The following PEBP4 variants were observed in gnomAD, a reference collection of about 807,000 sequenced individuals.
The protein encoded by PEBP4 is phosphatidylethanolamine-binding protein 4.
Under a neutral mutation model 23.9 loss-of-function variants are expected in PEBP4, and 22 were observed. The observed-to-expected ratio is 0.92, with a 90% CI of 0.66 to 1.31. PEBP4 has a LOEUF of 1.31. PEBP4 is among the 40% of genes most tolerant of loss of function. PEBP4 has a pLI of 0.00. For synonymous variants in PEBP4, 112 were observed against 99.3 expected (o/e 1.13, Z -0.76); for missense variants, 324 against 281.7 (o/e 1.15, Z -1.07).
intron 3 of PEBP4, among the ~76,000 whole-genome samples, chr8:22,819,857 C>T (rs998395416): frequency 1.3e-5 from 2 of 152,164 alleles, no homozygotes; most frequent in Non-Finnish European, 2.9e-5. Context: ...CCACCTGCCT[C>T]GGCCTCCCAA....
In PEBP4 at chr8:22,885,330, T is replaced by C. The variant is rs968465279; in HGVS notation, c.258+34854A>G. ...ACTGGGGCTCAGGAGGTTAGATGAC[T>C]TTCTCAGAGTCACACAGATAGTACA... On this transcript the variant is annotated intron_variant, in intron 3 of 6. Coordinates refer to ENST00000256404, the MANE Select transcript of PEBP4 (RefSeq NM_144962.3). The C allele has an allele frequency of 3.3e-5, 5 of 152,194 alleles. No homozygotes were observed. In the East Asian group the frequency reaches 7.7e-4, roughly 23 times the overall value. The allele number at this position is 152,194 out of a possible 1,614,324, so 9.4% of individuals were successfully genotyped here.
intron 4 of PEBP4, among the ~76,000 whole-genome samples, chr8:22,810,927 A>G (rs2128760586): frequency 6.6e-6 from 1 of 150,890 alleles, no homozygotes. Context: ...ACCTCCTAGA[A>G]GAACAGCATT....
chr8:22,733,611 G>A (rs187380410), intron 4 of PEBP4, among the ~76,000 whole-genome samples: 2 of 152,256 alleles, frequency 1.3e-5, no homozygotes, highest in East Asian at 1.9e-4. Context: ...GGCTCGTGGT[G>A]CCTCAGAGCA....
In PEBP4 at chr8:22,713,350, C is replaced by T. The variant is rs201319025; in HGVS notation, c.*20G>A. The T allele has an allele frequency of 6.4e-6, 10 of 1,561,862 alleles. No individual in the cohort carries two copies. The East Asian group carries it at 1.4e-4, about 21-fold the overall frequency. On this transcript the variant is annotated 3_prime_UTR_variant, in exon 7 of 7. Coordinates refer to ENST00000256404, the MANE Select transcript of PEBP4 (RefSeq NM_144962.3). ...GTGGTGGGCAGTGTGGCCACATGCC[C>T]GGATGGCAAAGCCGGCTATCTAGCA... is the stretch of plus-strand genomic sequence containing the variant.
chr8:22,901,790 A>T (rs1008242569), intron 3 of PEBP4, among the ~76,000 whole-genome samples: 8 of 152,222 alleles, frequency 5.3e-5, no homozygotes, highest in African/African-American at 1.9e-4. Flanking sequence ...TCTGTGACAG[A>T]TGTTTACAAT....
At chr8:22,807,877 A>G (rs1806533025) in intron 4 of PEBP4, among the ~76,000 whole-genome samples, 1 of 83,610 alleles carries the variant, frequency 1.2e-5, no homozygotes, top group South Asian at 5.1e-4. Context: ...ACCTCTATCC[A>G]TCCATCCATC....
chr8:22,732,856 A>G (rs554353513), intron 4 of PEBP4, among the ~76,000 whole-genome samples: 1 of 152,160 alleles, frequency 6.6e-6, no homozygotes, highest in South Asian at 2.1e-4. Context: ...GCTCTCTCCC[A>G]CCTCAGATCC....
At chr8:22,799,508 G>C (rs1806337188) in intron 4 of PEBP4, among the ~76,000 whole-genome samples, 1 of 152,168 alleles carries the variant, frequency 6.6e-6, no homozygotes, top group South Asian at 2.1e-4. Context: ...CATTGGCAGG[G>C]GCCAGGTTAA....
intron 4 of PEBP4, among the ~76,000 whole-genome samples, chr8:22,779,847 C>T (rs909275888): frequency 2.6e-5 from 4 of 152,144 alleles, no homozygotes; most frequent in African/African-American, 9.7e-5. Flanking sequence ...ATCACATGGG[C>T]GACTTAGCTT....
chr8:22,745,936 A>G (rs1017675183), intron 4 of PEBP4, among the ~76,000 whole-genome samples: 1 of 152,164 alleles, frequency 6.6e-6, no homozygotes. Flanking sequence ...TTCTGACTTC[A>G]TAGGCGAAGC....
intron 4 of PEBP4, among the ~76,000 whole-genome samples, chr8:22,785,057 A>G (rs530035414): frequency 9.2e-5 from 14 of 152,310 alleles, no homozygotes; most frequent in Non-Finnish European, 1.6e-4. Flanking sequence ...CAGTGTGTCT[A>G]GAACACTTTG....
intron 4 of PEBP4, among the ~76,000 whole-genome samples, chr8:22,782,847 G>C (rs1055994463): frequency 1.3e-5 from 2 of 152,168 alleles, no homozygotes; most frequent in Admixed American, 6.5e-5. Flanking sequence ...CATCACACCT[G>C]GAGGTTAGTG....
At chr8:22,795,143 G>GTGTATATATATA (rs1268855798) in intron 4 of PEBP4, among the ~76,000 whole-genome samples, 6 of 49,910 alleles carry the variant, frequency 1.2e-4, no homozygotes, top group South Asian at 9.8e-4. Flanking sequence ...ATGTGTGTGT[G>GTGTATATATATA]TATATATATA....
intron 3 of PEBP4, among the ~76,000 whole-genome samples, chr8:22,831,575 T>C (rs1342091357): frequency 6.6e-6 from 1 of 152,114 alleles, no homozygotes; most frequent in East Asian, 1.9e-4. Context: ...TGCCTCTGCC[T>C]TTGAGGACAT....
At chr8:22,896,746 G>A (rs1808597156) in intron 3 of PEBP4, among the ~76,000 whole-genome samples, 1 of 152,084 alleles carries the variant, frequency 6.6e-6, no homozygotes, top group Admixed American at 6.6e-5. Context: ...GAATTTTGAA[G>A]GTGTCAGGTG....
chr8:22,932,451 C>T (rs1809471472), upstream of PEBP4, among the ~76,000 whole-genome samples: 1 of 152,030 alleles, frequency 6.6e-6, no homozygotes, highest in East Asian at 1.9e-4. Flanking sequence ...AAAAAGTCAT[C>T]CTGGGGATGT....
At chr8:22,849,997 C>T (rs1208174783) in intron 3 of PEBP4, among the ~76,000 whole-genome samples, 1 of 151,584 alleles carries the variant, frequency 6.6e-6, no homozygotes, top group Non-Finnish European at 1.5e-5. Context: ...GGGCAGTGGG[C>T]ACAGAAGAGC....
At chr8:22,750,572 G>A (rs751458612) in intron 4 of PEBP4, among the ~76,000 whole-genome samples, 2 of 152,216 alleles carry the variant, frequency 1.3e-5, no homozygotes, top group Admixed American at 6.5e-5. Context: ...TGATCTGCCC[G>A]TTGGGGTAAC....
At chr8:22,836,898 A>G (rs1465653157) in intron 3 of PEBP4, among the ~76,000 whole-genome samples, 2 of 152,150 alleles carry the variant, frequency 1.3e-5, no homozygotes, top group Non-Finnish European at 2.9e-5. Flanking sequence ...AAAAAAAAAA[A>G]GAGCTCCTAA....
Sources: gnomAD v4.1 joint callset for allele counts (sites outside exome capture counted in the v4.1 genomes callset) on GRCh38, gnomAD v4.1.1 for gene constraint, MANE v1.5 for transcripts, NCBI Gene and HGNC (gene_info 2026-07-23, HGNC 2026-07-21) for gene names.